PTPRD: variants seen among roughly 807,000 people sequenced by gnomAD.
PTPRD encodes the protein protein tyrosine phosphatase receptor type D.
A neutral mutation model predicts 214.5 loss-of-function variants in PTPRD; 34 were observed. The ratio of observed to expected loss-of-function variants is 0.16; its 90% CI spans 0.12 to 0.21. PTPRD has a LOEUF of 0.21. Ranked by LOEUF, PTPRD falls within the 10% of genes least tolerant of loss-of-function variation. PTPRD has a pLI of 1.00. For synonymous variants in PTPRD, 1,128 were observed against 845.7 expected, an observed-to-expected ratio of 1.33 and a Z score of -5.79; for missense variants, 2,545 against 2,398.7, an observed-to-expected ratio of 1.06 and a Z score of -1.27.
chr9:10,586,627 C>A (rs1027799163), intron 2 of PTPRD, among the ~76,000 whole-genome samples: 1 of 151,902 alleles, frequency 6.6e-6, no homozygotes, highest in Admixed American at 6.6e-5. Flanking sequence ...GGTTTGCTTG[C>A]GGGCATAAGA....
intron 38 of PTPRD, 64 bp downstream of exon 38, chr9:8,376,543 T>C: frequency 1.2e-6 from 2 of 1,605,464 alleles, no homozygotes; most frequent in Non-Finnish European, 1.7e-6. Flanking sequence ...ATTTCATTTC[T>C]CAAAAGAAGC....
intron 2 of PTPRD, among the ~76,000 whole-genome samples, chr9:10,530,286 T>A (rs752747218): frequency 4.5e-4 from 68 of 152,092 alleles, no homozygotes; most frequent in Non-Finnish European, 8.4e-4. Context: ...TTTAAAGGTA[T>A]CCAGTGGCAA....
At chr9:10,246,332 C>T (rs564193865) in intron 3 of PTPRD, among the ~76,000 whole-genome samples, 2 of 152,268 alleles carry the variant, frequency 1.3e-5, no homozygotes, top group South Asian at 4.1e-4. Flanking sequence ...CAACCTCCAC[C>T]TCTCAGATTC....
chr9:9,668,745 G>C (rs934596680), intron 7 of PTPRD, among the ~76,000 whole-genome samples: 4 of 151,846 alleles, frequency 2.6e-5, no homozygotes, highest in Non-Finnish European at 5.9e-5. Context: ...ACTGATTTTC[G>C]TTTCATCTTT....
At chr9:8,322,336 C>G (rs1018082946) in intron 44 of PTPRD, among the ~76,000 whole-genome samples, 1 of 152,292 alleles carries the variant, frequency 6.6e-6, no homozygotes, top group East Asian at 1.9e-4. Flanking sequence ...AGCTAGGCCT[C>G]TCGCACCAAA....
intron 8 of PTPRD, among the ~76,000 whole-genome samples, chr9:9,457,797 G>C (rs1369557799): frequency 6.6e-6 from 1 of 151,892 alleles, no homozygotes; most frequent in South Asian, 2.1e-4. Flanking sequence ...GTTTTACTGG[G>C]ACAAATTATG....
intron 2 of PTPRD, among the ~76,000 whole-genome samples, chr9:10,548,009 T>C (rs1045742783): frequency 2.6e-5 from 4 of 152,036 alleles, no homozygotes; most frequent in Non-Finnish European, 5.9e-5. Context: ...TGATGGGCTA[T>C]TGAGAGAGAG....
intron 10 of PTPRD, among the ~76,000 whole-genome samples, chr9:9,058,120 C>T (rs1202001559): frequency 1.3e-5 from 2 of 152,078 alleles, no homozygotes; most frequent in Non-Finnish European, 1.5e-5. Context: ...AAAGAGAAGT[C>T]TTCCAAATAA....
intron 3 of PTPRD, among the ~76,000 whole-genome samples, chr9:10,050,208 G>C (rs1330040851): frequency 6.6e-6 from 1 of 151,892 alleles, no homozygotes; most frequent in Non-Finnish European, 1.5e-5. Context: ...TTATGTTTCA[G>C]GGGCAGTAGG....
intron 8 of PTPRD, among the ~76,000 whole-genome samples, chr9:9,550,796 A>G (rs2080020064): frequency 6.6e-6 from 1 of 151,944 alleles, no homozygotes; most frequent in South Asian, 2.1e-4. Flanking sequence ...AAAGACATGA[A>G]CAGACATTTT....
At chr9:10,408,798 C>T (rs1208512596) in intron 2 of PTPRD, among the ~76,000 whole-genome samples, 2 of 151,672 alleles carry the variant, frequency 1.3e-5, no homozygotes, top group African/African-American at 4.8e-5. Flanking sequence ...CAAGTTTCTA[C>T]ACCTTAGAAC....
At chr9:9,940,710 T>C (rs1312994757) in intron 4 of PTPRD, among the ~76,000 whole-genome samples, 2 of 152,190 alleles carry the variant, frequency 1.3e-5, no homozygotes, top group African/African-American at 4.8e-5. Flanking sequence ...GCTCCAGTCA[T>C]GCTGAGCTCT....
At chr9:8,422,296 C>T (rs1193530729) in intron 35 of PTPRD, among the ~76,000 whole-genome samples, 1 of 151,666 alleles carries the variant, frequency 6.6e-6, no homozygotes, top group African/African-American at 2.4e-5. Context: ...AGTAAAATTC[C>T]TACTTTATCA....
At chr9:10,052,709 G>A (rs1337177747) in intron 3 of PTPRD, among the ~76,000 whole-genome samples, 1 of 152,066 alleles carries the variant, frequency 6.6e-6, no homozygotes, top group Non-Finnish European at 1.5e-5. Flanking sequence ...CAAAGTCTAT[G>A]CTTTTCCTCC....
rs2297782 is a variant in PTPRD, at chr9:8,636,630, G to A, written c.210+69C>T. 8.7e-4 allele frequency: 1,353 copies of A among 1,557,862 alleles called. 16 individuals carry two copies. In the East Asian group the frequency reaches 0.022, roughly 26 times the overall value. On this transcript the variant is annotated intron_variant, in intron 13 of 45. Transcript: ENST00000381196. ...CCTTTTATCAGAGTAAAGCAAGCAA[G>A]TAACGTAGAAACCAAAGACAGAGCA...
chr9:10,074,181 C>T (rs745395202), intron 3 of PTPRD, among the ~76,000 whole-genome samples: 7 of 152,102 alleles, frequency 4.6e-5, no homozygotes, highest in Non-Finnish European at 1.0e-4. Context: ...TGGCATCATA[C>T]AATATTTGGC....
chr9:10,152,423 GAT>G (rs1239811125), intron 3 of PTPRD, among the ~76,000 whole-genome samples: 1 of 152,224 alleles, frequency 6.6e-6, no homozygotes, highest in African/African-American at 2.4e-5. Context: ...TCATTCATCA[GAT>G]ATGTGATTCA....
At chr9:8,510,701 C>A (rs2097660560) in intron 21 of PTPRD, among the ~76,000 whole-genome samples, 1 of 152,120 alleles carries the variant, frequency 6.6e-6, no homozygotes, top group African/African-American at 2.4e-5. Context: ...GTGCACTACC[C>A]ACACTTCCTC....
chr9:10,412,009 C>T (rs1370023403), intron 2 of PTPRD, among the ~76,000 whole-genome samples: 3 of 151,714 alleles, frequency 2.0e-5, no homozygotes, highest in Non-Finnish European at 4.4e-5. Context: ...AGACCTGCAA[C>T]TATAAAAATG....
Sources: gnomAD v4.1 joint callset for allele counts (sites outside exome capture counted in the v4.1 genomes callset) on GRCh38, gnomAD v4.1.1 for gene constraint, MANE v1.5 for transcripts, NCBI Gene and HGNC (gene_info 2026-07-23, HGNC 2026-07-21) for gene names.